Variants in APOL4 observed in about 807,000 individuals in gnomAD.
APOL4 encodes apolipoprotein L4, also known as apolipoprotein L, 4.
Under a neutral mutation model 12.1 loss-of-function variants are expected in APOL4, and 14 were observed. The ratio of observed to expected loss-of-function variants is 1.16; its 90% CI spans 0.76 to 1.81. APOL4 has a LOEUF of 1.81. Among genes scored for constraint, APOL4 ranks in the 40% most tolerant of loss-of-function variants. APOL4 has a pLI of 0.00. For missense variants in APOL4, 432 were observed against 423.1 expected, an observed-to-expected ratio of 1.02 and a Z score of -0.18; for synonymous variants, 171 against 160.6, an observed-to-expected ratio of 1.06 and a Z score of -0.49.
chr22:36,191,978 G>A, intron 3 of APOL4, 66 bp from the exon 4 acceptor site: 2 of 1,288,208 alleles, frequency 1.6e-6, no homozygotes, highest in Non-Finnish European at 2.1e-6. Flanking sequence ...AGCTCAATAA[G>A]ATCTATTCTG....
chr22:36,199,409 A>C, intron 1 of APOL4, 33 bp from the exon 2 acceptor site: 1 of 1,613,998 alleles, frequency 6.2e-7, no homozygotes, highest in South Asian at 1.1e-5. Flanking sequence ...GTGGGATTGA[A>C]TGTGAGCCAC....
In APOL4 at chr22:36,199,353, C is replaced by T; in HGVS notation, c.59G>A (p.Trp20Ter). ...SVGVQQNHPG[W>*]TVAGQFQEKK... ...ACCTTGGAACTGTCCAGCCACTGTCCAGCCTGGATGGTTTTGCTGCACCCT... is the reference window on the plus strand; with the variant it reads ...ACCTTGGAACTGTCCAGCCACTGTCTAGCCTGGATGGTTTTGCTGCACCCT... Residue 20 changes from tryptophan to a stop codon, truncating the protein, a stop_gained, in exon 2 of 4, where the codon TGG becomes TAG. Coordinates refer to ENST00000683024, the MANE Select transcript of APOL4 (RefSeq NM_001386885.1). LOFTEE classifies it high-confidence loss of function. 1.2e-6 allele frequency: 2 copies of T among 1,614,098 alleles called. No homozygotes were observed. Among genetic ancestry groups the T allele is most frequent in the Admixed American group, 1.7e-5 (1 of 60,030 alleles).
At chr22:36,194,464 T>C (rs6000176) in intron 3 of APOL4, among the ~76,000 whole-genome samples, 90,469 of 152,048 alleles carry the variant, frequency 0.6, 28,063 homozygotes, top group East Asian at 0.82. Flanking sequence ...CCAATCTAGG[T>C]CCACCCCTGC....
Position 36,189,771 on chromosome 22 carries a change from C to A in APOL4, c.*1304G>T. The A allele has an allele frequency of 6.5e-6, 1 of 153,034 alleles. No individual in the cohort carries two copies. The highest frequency in any genetic ancestry group is 1.8e-4 in the South Asian group (1 of 5,434). The allele number at this position is 153,034 out of a possible 1,614,324, so 9.5% of individuals were successfully genotyped here. On this transcript the variant is annotated 3_prime_UTR_variant, in exon 4 of 4. Transcript: ENST00000683024. ...CCCACACTCTCCAGTCCCCTCTCCT[C>A]CCTTATTCCAGGCCCCAGCATTTCT...
chr22:36,202,230 C>T, upstream of APOL4: 1 of 819,914 alleles, frequency 1.2e-6, no homozygotes, highest in South Asian at 1.7e-5. Flanking sequence ...CTTCAACCTT[C>T]TGAGTAGCTG....
chr22:36,197,556 C>T, intron 2 of APOL4: 1 of 1,398,734 alleles, frequency 7.1e-7, no homozygotes, highest in Non-Finnish European at 9.3e-7. Flanking sequence ...GCAAACAAAA[C>T]CAACCAGACC....
Position 36,191,125 on chromosome 22 carries a change from C to T in APOL4, c.997G>A (p.Glu333Lys), listed in dbSNP as rs2014230621. The change falls in exon 4 of 4, where the codon GAG (glutamate) becomes AAG (lysine). Residue 333 changes from glutamate to lysine, a missense_variant. By Grantham distance (56) the Glu-to-Lys change is moderately conservative (BLOSUM62 1). Coordinates refer to ENST00000683024, the MANE Select transcript of APOL4 (RefSeq NM_001386885.1). ...SLRQWAQELEENLNELTHIHQ... is the reference protein window; with the variant it reads ...SLRQWAQELEKNLNELTHIHQ... ...ATATGGGTGAGCTCATTGAGATTCT[C>T]CTCCAGCTCCTGAGCCCACTGCCTC... 2 of 1,610,708 alleles carry T rather than the reference C, an allele frequency of 1.2e-6. No homozygotes were observed. Among genetic ancestry groups the T allele is most frequent in the Admixed American group, 1.7e-5 (1 of 59,534 alleles).
At chr22:36,199,968 C>T (rs1303306227) in intron 1 of APOL4, among the ~76,000 whole-genome samples, 2 of 152,102 alleles carry the variant, frequency 1.3e-5, no homozygotes, top group African/African-American at 2.4e-5. Flanking sequence ...TCGCCACATT[C>T]GGCTAATTTT....
chr22:36,193,089 C>A (rs1017764508), intron 3 of APOL4, among the ~76,000 whole-genome samples: 1 of 152,346 alleles, frequency 6.6e-6, no homozygotes, highest in East Asian at 1.9e-4. Context: ...GCTGTCTGAG[C>A]ACACTTGCTC....
intron 1 of APOL4, among the ~76,000 whole-genome samples, chr22:36,200,471 T>C (rs1216810437): frequency 6.6e-6 from 1 of 152,258 alleles, no homozygotes; most frequent in Non-Finnish European, 1.5e-5. Context: ...ACCTGGATCC[T>C]GCCAGATGCC....
At chr22:36,199,537 C>T in intron 1 of APOL4, 161 bp from the exon 2 acceptor site, 1 of 1,590,226 alleles carries the variant, frequency 6.3e-7, no homozygotes, top group Non-Finnish European at 8.6e-7. Context: ...CCATCATCTG[C>T]TATTTACAGA....
chr22:36,202,074 G>A (rs1325916221), upstream of APOL4: 13 of 1,613,584 alleles, frequency 8.1e-6, no homozygotes, highest in Non-Finnish European at 1.1e-5. Flanking sequence ...GGAAAAGAGG[G>A]GTTGAGACAG....
chr22:36,202,349 A>G (rs1484081134), upstream of APOL4, among the ~76,000 whole-genome samples: 1 of 152,118 alleles, frequency 6.6e-6, no homozygotes, highest in Admixed American at 6.5e-5. Flanking sequence ...GCCTCAAGTG[A>G]TCTTCCCGCC....
At chr22:36,195,288 G>T (rs1328658030) in intron 3 of APOL4, 23 bp downstream of exon 3, 1 of 1,608,754 alleles carries the variant, frequency 6.2e-7, no homozygotes, top group Non-Finnish European at 8.5e-7. Flanking sequence ...GGTGCCCCAA[G>T]GAGGTAACCC....
rs2014224042 is a variant in APOL4, at chr22:36,190,939, C to T, written c.*136G>A. 2 of 790,268 alleles carry T rather than the reference C, an allele frequency of 2.5e-6. No individual in the cohort carries two copies. The highest frequency in any genetic ancestry group is 3.9e-6 in the Non-Finnish European group (2 of 511,850). The allele number at this position is 790,268 out of a possible 1,614,324, so 49.0% of individuals were successfully genotyped here. On this transcript the variant is annotated 3_prime_UTR_variant, in exon 4 of 4. Coordinates refer to ENST00000683024, the MANE Select transcript of APOL4 (RefSeq NM_001386885.1). ...TTGTGTTTAGAGATTGCGGTAAAGA[C>T]AGGCATAGGAAATTATAAAAGTATT...
chr22:36,199,974 A>T (rs1216941226), intron 1 of APOL4, among the ~76,000 whole-genome samples: 1 of 151,932 alleles, frequency 6.6e-6, no homozygotes, highest in Non-Finnish European at 1.5e-5. Context: ...CATTCGGCTA[A>T]TTTTTTGTAT....
upstream of APOL4, chr22:36,202,115 T>C: frequency 6.2e-7 from 1 of 1,609,666 alleles, no homozygotes; most frequent in Non-Finnish European, 8.5e-7. Flanking sequence ...ACCATTTTCA[T>C]TTCATTTTTA....
chr22:36,198,579 C>T (rs1260474418), intron 2 of APOL4, among the ~76,000 whole-genome samples: 2 of 152,094 alleles, frequency 1.3e-5, no homozygotes, highest in African/African-American at 4.8e-5. Context: ...TAACACAGCT[C>T]GGGAAGGGGG....
At chr22:36,193,616 C>A (rs1156263946) in intron 3 of APOL4, among the ~76,000 whole-genome samples, 1 of 152,164 alleles carries the variant, frequency 6.6e-6, no homozygotes, top group African/African-American at 2.4e-5. Flanking sequence ...TAAGAAAGCC[C>A]CTCAAGTTTG....
Sources: allele counts gnomAD v4.1 joint callset (sites outside exome capture counted in the v4.1 genomes callset), GRCh38; gene constraint gnomAD v4.1.1; transcripts MANE v1.5; gene names NCBI Gene and HGNC (gene_info 2026-07-23, HGNC 2026-07-21).